Variants in SLC26A11 observed in about 807,000 individuals in gnomAD.
The protein encoded by SLC26A11 is solute carrier family 26 member 11.
In SLC26A11, 58 loss-of-function variants were observed where a neutral mutation model predicts 62.2. The observed-to-expected ratio is 0.93, with a 90% CI of 0.76 to 1.16. The LOEUF (loss-of-function observed/expected upper bound fraction) is 1.16, where lower values mean the gene tolerates loss of function less well. Among genes scored for constraint, SLC26A11 ranks in the 50% most tolerant of loss-of-function variants. SLC26A11 has a pLI of 0.00. For synonymous variants in SLC26A11, 411 were observed against 368.9 expected (o/e 1.11, Z -1.31); for missense variants, 790 against 794.3 (o/e 0.99, Z 0.06).
At chr17:80,245,947 G>C (rs1255550977) in intron 11 of SLC26A11, among the ~76,000 whole-genome samples, 2 of 152,226 alleles carry the variant, frequency 1.3e-5, no homozygotes, top group African/African-American at 4.8e-5. Flanking sequence ...TGCTTCCTGA[G>C]CTTCTTCCTA....
In SLC26A11 at chr17:80,228,585, G is replaced by A. The variant is rs943803951; in HGVS notation, c.736+625G>A. On this transcript the variant is annotated intron_variant, in intron 7 of 17. Transcript: ENST00000361193. The surrounding 1 kb of genome is among the most constrained non-coding windows in gnomAD (Gnocchi z 4.1). Reference sequence around the variant, plus strand: ...GTGGCAATGTTGGGAAACATTTTTGGTGGATACCACCGGGCGAGGCAGTTG... The same window carrying A: ...GTGGCAATGTTGGGAAACATTTTTGATGGATACCACCGGGCGAGGCAGTTG... Among the ~76,000 whole-genome samples, 9 of 152,350 alleles carry A rather than the reference G, an allele frequency of 5.9e-5. No individual in the cohort carries two copies. In the South Asian group the frequency reaches 1.9e-3, roughly 32 times the overall value.
chr17:80,251,454 T>A, intron 17 of SLC26A11, 53 bp downstream of exon 17: 4 of 1,607,616 alleles, frequency 2.5e-6, no homozygotes, highest in Non-Finnish European at 3.4e-6. Context: ...AAATCATAAA[T>A]GCTTATTGTA....
chr17:80,237,241 C>A, intron 8 of SLC26A11, 138 bp downstream of exon 8: 1 of 1,081,244 alleles, frequency 9.2e-7, no homozygotes, highest in South Asian at 1.6e-5. Flanking sequence ...ACGGACATCT[C>A]AGTTATTAAA....
chr17:80,249,227 C>T lies in SLC26A11; in HGVS notation c.1596C>T (p.Leu532=), dbSNP rs950009479. ...CSIDYTVVLG[L]GELLQDFQKQ... is the part of the protein sequence containing the mutation. Reference sequence around the variant, plus strand: ...TCGACTACACTGTGGTGCTGGGACTCGGCGAGCTCCTCCAGGACTTCCAGA... The same window carrying T: ...TCGACTACACTGTGGTGCTGGGACTTGGCGAGCTCCTCCAGGACTTCCAGA... The change falls in exon 16 of 18, where the codon CTC becomes CTT. Residue 532 remains leucine, a synonymous_variant. Transcript: ENST00000361193. 6.8e-6 allele frequency: 11 copies of T among 1,611,402 alleles called. 1 individual carries two copies. The highest frequency in any genetic ancestry group is 4.5e-5 in the East Asian group (2 of 44,876).
intron 9 of SLC26A11, among the ~76,000 whole-genome samples, chr17:80,238,910 C>T (rs1291815068): frequency 1.3e-5 from 2 of 149,126 alleles, no homozygotes; most frequent in Non-Finnish European, 3.0e-5. Flanking sequence ...ACTGCAACCT[C>T]CGCTTCCCAG....
rs770496144 is a variant in SLC26A11, at chr17:80,246,616, A to AC, written c.1263dup (p.Lys422GlnfsTer10). On this transcript the variant is annotated frameshift_variant, in exon 13 of 18. Transcript: ENST00000361193. LOFTEE classifies it high-confidence loss of function. This position sits in a 1 kb window ranked among gnomAD's most constrained non-coding sequence, Gnocchi z 4.4. ...CATGGCCGTGGCCCCGCTGTTCGAC[A>AC]CCAAGATCTTCAGGACGCTCTGGCG... is the stretch of plus-strand genomic sequence containing the variant. 1.2e-5 allele frequency: 20 copies of AC among 1,613,792 alleles called. No individual in the cohort carries two copies. In the Admixed American group the frequency reaches 3.3e-4, roughly 27 times the overall value.
At chr17:80,247,954 C>A (rs2043052084) in intron 13 of SLC26A11, among the ~76,000 whole-genome samples, 176 bp from the exon 14 acceptor site, 1 of 152,194 alleles carries the variant, frequency 6.6e-6, no homozygotes, top group Non-Finnish European at 1.5e-5. Flanking sequence ...TTCTTTCTTT[C>A]GACTTGAAGC....
At position 80,239,835 on chromosome 17, in the gene SLC26A11, A is replaced by G. The variant is rs550269571; in HGVS notation, c.986-1936A>G. On this transcript the variant is annotated intron_variant, in intron 9 of 17. Coordinates refer to ENST00000361193, the MANE Select transcript of SLC26A11 (RefSeq NM_001166347.2). ...AGTTTTTACATTTCTGAATGGTTGG[A>G]AAAAGTCCAAATAATAATAATATTT... is the stretch of plus-strand genomic sequence containing the variant. Among the ~76,000 whole-genome samples, 3 of 152,372 alleles carry G rather than the reference A, an allele frequency of 2.0e-5. No individual in the cohort carries two copies. In the East Asian group the frequency reaches 5.8e-4, roughly 29 times the overall value.
chr17:80,238,441 G>A (rs528513478), intron 9 of SLC26A11, among the ~76,000 whole-genome samples: 2 of 152,280 alleles, frequency 1.3e-5, no homozygotes, highest in African/African-American at 4.8e-5. Context: ...TGAGCAACAT[G>A]CTTTATTCAG....
intron 7 of SLC26A11, among the ~76,000 whole-genome samples, chr17:80,235,987 T>TG (rs2042679877): frequency 6.6e-6 from 1 of 152,206 alleles, no homozygotes; most frequent in Admixed American, 6.5e-5. Context: ...CTTGAGTAGT[T>TG]GCGCCAGAGA....
Position 80,248,678 on chromosome 17 carries a change from C to A in SLC26A11, c.1522+4C>A. 1 of 1,564,046 alleles carries A rather than the reference C, an allele frequency of 6.4e-7. No homozygotes were observed. Among genetic ancestry groups the A allele is most frequent in the Non-Finnish European group, 8.7e-7 (1 of 1,154,078 alleles). On this transcript the variant is annotated splice_donor_region_variant and intron_variant, in intron 15 of 17. Transcript: ENST00000361193. Reference sequence around the variant, plus strand: ...ATCCTAAGCCGGGCCCTGGAAGGTGCATGGGCGGGGGTCAAGGTGGTCTGA... The same window carrying A: ...ATCCTAAGCCGGGCCCTGGAAGGTGAATGGGCGGGGGTCAAGGTGGTCTGA...
intron 7 of SLC26A11, among the ~76,000 whole-genome samples, chr17:80,232,787 T>C (rs7208687): frequency 0.31 from 47,861 of 152,060 alleles, 8,594 homozygotes; most frequent in East Asian, 0.6. Flanking sequence ...TCTACCTCTA[T>C]TGGATTATTT....
Position 80,223,380 on chromosome 17 carries a change from C to T in SLC26A11, c.513+43C>T. The T allele has an allele frequency of 1.3e-6, 2 of 1,579,396 alleles. No individual in the cohort carries two copies. The highest frequency in any genetic ancestry group is 2.2e-5 in the East Asian group (1 of 44,518). ...CCAGGGCACTGCTCTTTGGCCACTG[C>T]TCGTTGGCACAGGGATGGCGGGAGC... On this transcript the variant is annotated intron_variant, in intron 5 of 17. Transcript: ENST00000361193. The surrounding 1 kb of genome is among the most constrained non-coding windows in gnomAD (Gnocchi z 4.6).
chr17:80,220,597 G>A, intron 1 of SLC26A11, 101 bp downstream of exon 1: 1 of 360,336 alleles, frequency 2.8e-6, no homozygotes, highest in Non-Finnish European at 5.0e-6. Flanking sequence ...GGCCAGCGCG[G>A]AGTCCTGAAG....
At position 80,249,228 on chromosome 17, in the gene SLC26A11, G is replaced by T; in HGVS notation, c.1597G>T (p.Gly533Cys). Residue 533 changes from glycine (G) to cysteine (C), a missense_variant, in exon 16 of 18, where the codon GGC becomes TGC. By Grantham distance (159) the Gly-to-Cys change is radical. Transcript: ENST00000361193. ...CGACTACACTGTGGTGCTGGGACTC[G>T]GCGAGCTCCTCCAGGACTTCCAGAA... ...SIDYTVVLGL[G>C]ELLQDFQKQG... 1 of 1,611,514 alleles carries T rather than the reference G, an allele frequency of 6.2e-7. No homozygotes were observed. Among genetic ancestry groups the T allele is most frequent in the South Asian group, 1.1e-5 (1 of 91,020 alleles).
chr17:80,247,149 T>C (rs747131670), intron 13 of SLC26A11, among the ~76,000 whole-genome samples: 12 of 151,768 alleles, frequency 7.9e-5, no homozygotes, highest in Non-Finnish European at 1.3e-4. Context: ...TAGGACAATA[T>C]GGGGTTGGGG....
Position 80,221,781 on chromosome 17 carries a change from G to A in SLC26A11, c.221G>A (p.Gly74Glu). 1 of 1,611,104 alleles carries A rather than the reference G, an allele frequency of 6.2e-7. No individual in the cohort carries two copies. The highest frequency in any genetic ancestry group is 1.3e-5 in the African/African-American group (1 of 75,056). ...GCGCTGGCCTATGCTGAAGTGGCTG[G>A]ACTCCCGCCCCAGGTGAGGCGTCTG... ...PQALAYAEVA[G>E]LPPQYGLYSA... The change falls in exon 3 of 18, where the codon GGA (glycine) becomes GAA (glutamate). Residue 74 changes from glycine to glutamate, a missense_variant. Gly to Glu is a moderately conservative substitution (Grantham distance 98). Coordinates refer to ENST00000361193, the MANE Select transcript of SLC26A11 (RefSeq NM_001166347.2).
chr17:80,222,891 C>T lies in SLC26A11; in HGVS notation c.427+44C>T, dbSNP rs2042263085. On this transcript the variant is annotated intron_variant, in intron 4 of 17. Coordinates refer to ENST00000361193, the MANE Select transcript of SLC26A11 (RefSeq NM_001166347.2). The surrounding 1 kb of genome is among the most constrained non-coding windows in gnomAD (Gnocchi z 4.7). ...GCCAAGGGGATGCCCTCGACCTCAG[C>T]ATTTGCTTGTTTGCATTTCAAGTCT... 2 of 1,552,342 alleles carry T rather than the reference C, an allele frequency of 1.3e-6. No individual in the cohort carries two copies. Among genetic ancestry groups the T allele is most frequent in the African/African-American group, 2.8e-5 (2 of 72,090 alleles).
At chr17:80,226,034 C>T (rs2042400266) in intron 6 of SLC26A11, 118 bp downstream of exon 6, 2 of 805,776 alleles carry the variant, frequency 2.5e-6, no homozygotes, top group East Asian at 5.0e-5. Flanking sequence ...GTCCCCAGAG[C>T]AGCCCCATCA....
Sources: gnomAD v4.1 joint callset for allele counts (sites outside exome capture counted in the v4.1 genomes callset) on GRCh38, gnomAD v4.1.1 for gene constraint, Gnocchi (gnomAD v3.1) non-coding constraint, MANE v1.5 for transcripts, NCBI Gene and HGNC (gene_info 2026-07-23, HGNC 2026-07-21) for gene names.